RAI14: variants seen among roughly 807,000 people sequenced by gnomAD.
The protein encoded by RAI14 is ankycorbin.
RAI14 carries 45 observed loss-of-function variants against 115.4 expected under a neutral mutation model. The ratio of observed to expected loss-of-function variants is 0.39; its 90% CI spans 0.31 to 0.50. The LOEUF is 0.50. Ranked by LOEUF, RAI14 falls within the 20% of genes least tolerant of loss-of-function variation. The pLI is 0.85. For missense variants in RAI14, 939 were observed against 1,131.2 expected, an observed-to-expected ratio of 0.83 and a Z score of 2.44; for synonymous variants, 371 against 415.4, an observed-to-expected ratio of 0.89 and a Z score of 1.30.
rs72730595 is a variant in RAI14 at position 34,795,697 on chromosome 5, G to T, written c.168-242G>T. On this transcript the variant is annotated intron_variant, in intron 3 of 17. Transcript: ENST00000265109. ...TCAAGCCTGGTCTTTGGGGTTGGAAGATCAAACTCCTGCTCCATCCCTTAA... is the reference window on the plus strand; with the variant it reads ...TCAAGCCTGGTCTTTGGGGTTGGAATATCAAACTCCTGCTCCATCCCTTAA... 6.6e-3 allele frequency among the ~76,000 whole-genome samples: 1,007 copies of T among 152,204 alleles called. 8 individuals are homozygous for T. The highest frequency in any genetic ancestry group is 9.8e-3 in the Non-Finnish European group (665 of 68,018).
At chr5:34,744,619 T>G (rs538573916) in intron 2 of RAI14, among the ~76,000 whole-genome samples, 37 of 152,300 alleles carry the variant, frequency 2.4e-4, no homozygotes, top group Admixed American at 6.5e-4. Context: ...GTGCAGGGTT[T>G]GAATTCCAGG....
At chr5:34,797,905 C>T (rs984622354) in intron 4 of RAI14, among the ~76,000 whole-genome samples, 13 of 152,254 alleles carry the variant, frequency 8.5e-5, no homozygotes, top group South Asian at 2.1e-4. Context: ...TGCCGTCACA[C>T]GGTTTTGTTT....
chr5:34,725,990 A>G (rs934835785), intron 2 of RAI14, among the ~76,000 whole-genome samples: 1 of 151,490 alleles, frequency 6.6e-6, no homozygotes, highest in Non-Finnish European at 1.5e-5. Context: ...CCACAAATAC[A>G]TTACAATTTT....
At chr5:34,664,273 T>C (rs1742928354) in intron 1 of RAI14, among the ~76,000 whole-genome samples, 1 of 151,784 alleles carries the variant, frequency 6.6e-6, no homozygotes, top group Admixed American at 6.6e-5. Flanking sequence ...GCAGACCACT[T>C]GAGCTCAGGA....
In RAI14 at chr5:34,802,521, C is replaced by T. The variant is rs1481721163; in HGVS notation, c.257-1191C>T. On this transcript the variant is annotated intron_variant, in intron 4 of 17. Coordinates refer to ENST00000265109, the MANE Select transcript of RAI14 (RefSeq NM_015577.3). ...CTGCTCTGACCCTCTCCCCAGGTCC[C>T]CCCATCCAGACATTTGAAATTAGCA... 3.3e-5 allele frequency among the ~76,000 whole-genome samples: 5 copies of T among 152,148 alleles called. No homozygotes were observed. The East Asian group carries it at 7.7e-4, about 24-fold the overall frequency.
chr5:34,746,912 T>A (rs1746316118), intron 2 of RAI14, among the ~76,000 whole-genome samples: 1 of 152,206 alleles, frequency 6.6e-6, no homozygotes, highest in Non-Finnish European at 1.5e-5. Flanking sequence ...CTCATGATAG[T>A]GAGTAAGTCT....
chr5:34,672,936 CA>C (rs1743721542), intron 1 of RAI14, among the ~76,000 whole-genome samples: 1 of 151,854 alleles, frequency 6.6e-6, no homozygotes, highest in African/African-American at 2.4e-5. Context: ...AGCCTGTACT[CA>C]AGGGAAACAA....
chr5:34,656,888 CCGCGCGGCGCCT>C (rs912641125), intron 1 of RAI14: 25 of 152,248 alleles, frequency 1.6e-4, no homozygotes, highest in African/African-American at 5.8e-4. Flanking sequence ...CTGTTTCGCC[CCGCGCGGCGCCT>C]CGCTGCCCCC....
intron 1 of RAI14, among the ~76,000 whole-genome samples, chr5:34,661,439 T>C (rs1472412261): frequency 6.6e-6 from 1 of 152,206 alleles, no homozygotes; most frequent in African/African-American, 2.4e-5. Flanking sequence ...TTTGTTGTTA[T>C]TTTTTCTCTG....
chr5:34,761,891 T>G (rs575840078), intron 3 of RAI14, among the ~76,000 whole-genome samples: 2 of 152,300 alleles, frequency 1.3e-5, no homozygotes, highest in African/African-American at 4.8e-5. Flanking sequence ...GCCTCCTGAG[T>G]AGCTGGGACT....
intron 2 of RAI14, 54 bp from the exon 3 acceptor site, chr5:34,757,414 G>C: frequency 2.5e-6 from 4 of 1,598,760 alleles, no homozygotes; most frequent in Non-Finnish European, 3.4e-6. Context: ...CTGCTGGTCA[G>C]TGCGGCTGTG....
chr5:34,786,760 G>A (rs993936366), intron 3 of RAI14, among the ~76,000 whole-genome samples: 2 of 152,136 alleles, frequency 1.3e-5, no homozygotes, highest in South Asian at 2.1e-4. Context: ...AGACCAGCTC[G>A]GTCGTGGAGA....
intron 2 of RAI14, chr5:34,688,412 A>C (rs757761880): frequency 5.7e-5 from 34 of 596,508 alleles, no homozygotes; most frequent in African/African-American, 5.7e-4. Flanking sequence ...ACTTCCATAT[A>C]TATATGAACA....
In RAI14 at chr5:34,806,579, G is replaced by A. The variant is rs1478175810; in HGVS notation, c.322-1221G>A. ...TGGAGAAAAAAGTTGACAGGGCATG[G>A]TGGTCCACTACATGTGGGGTGAGGA... On this transcript the variant is annotated intron_variant, in intron 5 of 17. Transcript: ENST00000265109. Among the ~76,000 whole-genome samples, 7 of 152,130 alleles carry A rather than the reference G, an allele frequency of 4.6e-5. No homozygotes were observed. The South Asian group carries it at 1.2e-3, about 27-fold the overall frequency.
At chr5:34,749,131 C>T (rs1345822946) in intron 2 of RAI14, among the ~76,000 whole-genome samples, 1 of 152,196 alleles carries the variant, frequency 6.6e-6, no homozygotes, top group African/African-American at 2.4e-5. Flanking sequence ...TTTACTTTGT[C>T]TTTCGTCTTA....
intron 4 of RAI14, among the ~76,000 whole-genome samples, chr5:34,802,214 T>C (rs1754357971): frequency 3.9e-5 from 6 of 152,148 alleles, no homozygotes; most frequent in Admixed American, 3.9e-4. Flanking sequence ...CTGTACTGCA[T>C]AGGACAACCA....
At chr5:34,812,071 G>A (rs933696585) in intron 9 of RAI14, 109 bp from the exon 10 acceptor site, 1 of 1,295,518 alleles carries the variant, frequency 7.7e-7, no homozygotes, top group East Asian at 2.3e-5. Flanking sequence ...AAAAAAAAAG[G>A]AGTGTTAAAA....
chr5:34,802,671 TG>T (rs1318141352), intron 4 of RAI14, among the ~76,000 whole-genome samples: 2 of 152,060 alleles, frequency 1.3e-5, no homozygotes, highest in African/African-American at 4.8e-5. Flanking sequence ...TATATTCTCA[TG>T]GGGGAAAAAT....
chr5:34,670,220 G>C (rs969960246), intron 1 of RAI14, among the ~76,000 whole-genome samples: 3 of 152,170 alleles, frequency 2.0e-5, no homozygotes, highest in African/African-American at 7.2e-5. Flanking sequence ...TAAAAAGATT[G>C]GTCAGTTGGC....
Sources: allele counts gnomAD v4.1 joint callset (sites outside exome capture counted in the v4.1 genomes callset), GRCh38; gene constraint gnomAD v4.1.1; transcripts MANE v1.5; gene names NCBI Gene and HGNC (gene_info 2026-07-23, HGNC 2026-07-21).